PDE1A: variants seen among roughly 807,000 people sequenced by gnomAD.
PDE1A encodes dual specificity calcium/calmodulin-dependent 3',5'-cyclic nucleotide phosphodiesterase 1A.
Under a neutral mutation model 61.7 loss-of-function variants are expected in PDE1A, and 35 were observed. The ratio of observed to expected loss-of-function variants is 0.57; its 90% CI spans 0.43 to 0.75. The LOEUF (loss-of-function observed/expected upper bound fraction) is 0.75, where lower values mean the gene tolerates loss of function less well. Among genes scored for constraint, PDE1A ranks in the 30% least tolerant of loss-of-function variants. PDE1A has a pLI of 0.00. For missense variants in PDE1A, 597 were observed against 630.6 expected, an observed-to-expected ratio of 0.95 and a Z score of 0.57; for synonymous variants, 232 against 213.2, an observed-to-expected ratio of 1.09 and a Z score of -0.77.
intron 1 of PDE1A, among the ~76,000 whole-genome samples, chr2:182,397,848 G>A (rs1232032599): frequency 1.3e-5 from 2 of 152,002 alleles, no homozygotes; most frequent in Admixed American, 1.3e-4. Context: ...TTGAATGAAC[G>A]GATGCTAGAA....
At chr2:182,390,655 G>C (rs1040198520) in intron 1 of PDE1A, among the ~76,000 whole-genome samples, 2 of 152,130 alleles carry the variant, frequency 1.3e-5, no homozygotes, top group African/African-American at 2.4e-5. Context: ...AGCCCTTATC[G>C]TGTGAGTGGC....
chr2:182,307,169 T>C (rs1316766013), intron 1 of PDE1A, among the ~76,000 whole-genome samples: 1 of 152,136 alleles, frequency 6.6e-6, no homozygotes, highest in African/African-American at 2.4e-5. Context: ...AAAGAAGACA[T>C]ACAAATTACC....
the PDE1A span, among the ~76,000 whole-genome samples, chr2:182,616,063 T>A: frequency 6.6e-6 from 1 of 152,216 alleles, no homozygotes; most frequent in African/African-American, 2.4e-5. Context: ...AAGTCTTAGC[T>A]TCTCAGCAAT....
chr2:182,598,562 CAAA>C, the PDE1A span, among the ~76,000 whole-genome samples: 1 of 129,474 alleles, frequency 7.7e-6, no homozygotes, highest in Admixed American at 7.9e-5. Flanking sequence ...AACTCTGTCT[CAAA>C]AAAAAAAAAA....
At chr2:182,658,070 A>C in the PDE1A span, among the ~76,000 whole-genome samples, 41 of 112,724 alleles carry the variant, frequency 3.6e-4, no homozygotes, top group African/African-American at 1.1e-3. Flanking sequence ...AAAAAAAAAA[A>C]AACAAAAAAA....
the PDE1A span, among the ~76,000 whole-genome samples, chr2:182,671,062 C>T: frequency 6.6e-6 from 1 of 152,118 alleles, no homozygotes; most frequent in South Asian, 2.1e-4. Flanking sequence ...AAGTGATCCG[C>T]CCACCTTGGC....
At chr2:182,184,433 T>C (rs1348471713) in intron 13 of PDE1A, among the ~76,000 whole-genome samples, 4 of 151,974 alleles carry the variant, frequency 2.6e-5, no homozygotes, top group African/African-American at 9.7e-5. Flanking sequence ...GAATTACACA[T>C]TAAAAGTGCT....
chr2:182,155,747 T>G (rs1023789760), intron 13 of PDE1A, among the ~76,000 whole-genome samples: 1 of 152,034 alleles, frequency 6.6e-6, no homozygotes, highest in Non-Finnish European at 1.5e-5. Flanking sequence ...GAAAATTAGC[T>G]GGGTGTTGTG....
At chr2:182,558,413 T>C in the PDE1A span, among the ~76,000 whole-genome samples, 106 of 152,234 alleles carry the variant, frequency 7.0e-4, no homozygotes, top group Non-Finnish European at 1.2e-3. Context: ...ACTCCATATC[T>C]CTATTTAGCC....
At chr2:182,415,303 C>A (rs1702849311) in intron 1 of PDE1A, among the ~76,000 whole-genome samples, 1 of 151,938 alleles carries the variant, frequency 6.6e-6, no homozygotes, top group Non-Finnish European at 1.5e-5. Context: ...TTTAAAATAA[C>A]AAAACATGCA....
the PDE1A span, among the ~76,000 whole-genome samples, chr2:182,594,037 C>G: frequency 6.6e-6 from 1 of 152,018 alleles, no homozygotes; most frequent in African/African-American, 2.4e-5. Context: ...ATAAAAGGGC[C>G]CTTAAGTCTA....
the PDE1A span, among the ~76,000 whole-genome samples, chr2:182,559,813 A>T: frequency 6.6e-6 from 1 of 152,302 alleles, no homozygotes; most frequent in Admixed American, 6.5e-5. Context: ...ATCATTTACA[A>T]CTAAACAAAA....
the PDE1A span, among the ~76,000 whole-genome samples, chr2:182,674,763 C>T: frequency 6.6e-6 from 1 of 152,008 alleles, no homozygotes; most frequent in Non-Finnish European, 1.5e-5. Flanking sequence ...AAGAGGAATA[C>T]TTTCTACTTA....
chr2:182,664,771 T>C, the PDE1A span, among the ~76,000 whole-genome samples: 3 of 152,198 alleles, frequency 2.0e-5, no homozygotes, highest in Non-Finnish European at 4.4e-5. Context: ...ATGGAACTTC[T>C]GGATCAAAAA....
intron 13 of PDE1A, among the ~76,000 whole-genome samples, chr2:182,181,049 C>A (rs903711408): frequency 6.6e-6 from 1 of 151,866 alleles, no homozygotes; most frequent in African/African-American, 2.4e-5. Flanking sequence ...TTTAGCTCAG[C>A]AGAGTTTGTT....
the PDE1A span, among the ~76,000 whole-genome samples, chr2:182,557,760 CTAAA>C: frequency 6.6e-6 from 1 of 151,754 alleles, no homozygotes; most frequent in Non-Finnish European, 1.5e-5. Flanking sequence ...AAAAAAGTCT[CTAAA>C]TGTCTCCATG....
intron 1 of PDE1A, among the ~76,000 whole-genome samples, chr2:182,291,531 G>A (rs2125886661): frequency 6.6e-6 from 1 of 152,240 alleles, no homozygotes; most frequent in Admixed American, 6.5e-5. Context: ...CAAGGCTCTG[G>A]TTGTAACTAT....
At chr2:182,465,400 C>CA (rs1008287650) in intron 2 of PDE1A, among the ~76,000 whole-genome samples, 1 of 150,378 alleles carries the variant, frequency 6.6e-6, no homozygotes, top group African/African-American at 2.5e-5. Context: ...AGCAGTGTCT[C>CA]AAAAAAATTT....
At chr2:182,603,552 G>T in the PDE1A span, among the ~76,000 whole-genome samples, 2 of 152,174 alleles carry the variant, frequency 1.3e-5, no homozygotes, top group Non-Finnish European at 2.9e-5. Context: ...GTTTTGCCAT[G>T]TTGGCCAGGC....
Sources: gnomAD v4.1 joint callset for allele counts (sites outside exome capture counted in the v4.1 genomes callset) on GRCh38, gnomAD v4.1.1 for gene constraint, MANE v1.5 for transcripts, NCBI Gene and HGNC (gene_info 2026-07-23, HGNC 2026-07-21) for gene names.